The following KIF16B variants were observed in gnomAD, a reference collection of about 807,000 sequenced individuals.
KIF16B encodes kinesin family member 16B.
In KIF16B, 98 loss-of-function variants were observed where a neutral mutation model predicts 156.3. That is an observed-to-expected ratio of 0.63 (90% confidence interval 0.53 to 0.74). The LOEUF is 0.74. KIF16B is among the 30% of genes least tolerant of loss of function. KIF16B has a pLI of 0.00. For missense variants in KIF16B, 1,421 were observed against 1,606.5 expected, an observed-to-expected ratio of 0.88 and a Z score of 1.97; for synonymous variants, 564 against 583.7, an observed-to-expected ratio of 0.97 and a Z score of 0.49.
At chr20:16,571,571 C>T (rs1225318645) in intron 1 of KIF16B, among the ~76,000 whole-genome samples, 2 of 152,152 alleles carry the variant, frequency 1.3e-5, no homozygotes, top group African/African-American at 4.8e-5. Flanking sequence ...GTCTCATTCC[C>T]CTTGTATCCC....
At chr20:16,288,826 T>C (rs113959565) in intron 25 of KIF16B, among the ~76,000 whole-genome samples, 43 of 148,772 alleles carry the variant, frequency 2.9e-4, no homozygotes, top group Middle Eastern at 3.6e-3. Context: ...GATAAGGTTA[T>C]TGGGATCCCA....
chr20:16,539,816 A>G (rs2070126265), intron 1 of KIF16B, among the ~76,000 whole-genome samples: 1 of 152,260 alleles, frequency 6.6e-6, no homozygotes, highest in Non-Finnish European at 1.5e-5. Context: ...TCAGCAATTC[A>G]AATTGATTCC....
chr20:16,329,977 A>C (rs1022002386), intron 24 of KIF16B, among the ~76,000 whole-genome samples: 1 of 152,222 alleles, frequency 6.6e-6, no homozygotes, highest in African/African-American at 2.4e-5. Flanking sequence ...AGTATTACAA[A>C]GTACAAAAAA....
chr20:16,455,695 G>T (rs2067194790), intron 12 of KIF16B, among the ~76,000 whole-genome samples: 1 of 152,128 alleles, frequency 6.6e-6, no homozygotes, highest in Admixed American at 6.6e-5. Context: ...AATAAGGAGA[G>T]AAAGAAAGAG....
chr20:16,503,856 A>T (rs961715214), intron 10 of KIF16B, among the ~76,000 whole-genome samples: 1 of 152,154 alleles, frequency 6.6e-6, no homozygotes, highest in African/African-American at 2.4e-5. Context: ...CTATTTCAAC[A>T]ATCAAGCGAG....
chr20:16,409,323 G>T (rs2146291352), intron 15 of KIF16B, among the ~76,000 whole-genome samples: 1 of 152,148 alleles, frequency 6.6e-6, no homozygotes, highest in East Asian at 1.9e-4. Flanking sequence ...CAACCATGTG[G>T]CTATGGCAAA....
intron 25 of KIF16B, among the ~76,000 whole-genome samples, chr20:16,286,577 C>T (rs150983924): frequency 2.8e-4 from 43 of 152,284 alleles, no homozygotes; most frequent in African/African-American, 1.0e-3. Flanking sequence ...TTCTCCTATA[C>T]TTATTCATCT....
intron 25 of KIF16B, among the ~76,000 whole-genome samples, chr20:16,305,886 C>T (rs1022670367): frequency 2.6e-5 from 4 of 152,102 alleles, no homozygotes; most frequent in African/African-American, 9.7e-5. Context: ...TGTATATATA[C>T]CATATTTTCT....
intron 15 of KIF16B, among the ~76,000 whole-genome samples, chr20:16,423,096 G>A (rs1391594829): frequency 6.6e-6 from 1 of 152,050 alleles, no homozygotes; most frequent in African/African-American, 2.4e-5. Context: ...GGTAAAGCAA[G>A]TTTCTTCAAA....
intron 17 of KIF16B, among the ~76,000 whole-genome samples, chr20:16,385,447 G>A (rs1019516911): frequency 6.6e-6 from 1 of 152,148 alleles, no homozygotes; most frequent in Non-Finnish European, 1.5e-5. Flanking sequence ...ACTACAAAGA[G>A]ACTGAGCCCA....
chr20:16,285,375 T>C (rs1294098340), intron 25 of KIF16B, among the ~76,000 whole-genome samples: 1 of 152,272 alleles, frequency 6.6e-6, no homozygotes, highest in East Asian at 1.9e-4. Flanking sequence ...TGTACATGCA[T>C]GTGTACATGT....
chr20:16,431,946 G>C (rs2066515676), intron 12 of KIF16B, among the ~76,000 whole-genome samples: 1 of 85,476 alleles, frequency 1.2e-5, no homozygotes, highest in Non-Finnish European at 2.4e-5. Context: ...ACACGCACAA[G>C]TTTATTACCT....
chr20:16,558,673 C>T (rs923461210), intron 1 of KIF16B, among the ~76,000 whole-genome samples: 1 of 152,160 alleles, frequency 6.6e-6, no homozygotes, highest in Non-Finnish European at 1.5e-5. Context: ...GAGGCCAAGG[C>T]GGGAGGATTC....
intron 24 of KIF16B, among the ~76,000 whole-genome samples, chr20:16,332,587 A>G (rs1167559325): frequency 6.6e-6 from 1 of 152,190 alleles, no homozygotes; most frequent in Non-Finnish European, 1.5e-5. Context: ...AAAATTAAAC[A>G]CAACATGGAG....
chr20:16,329,230 T>C (rs2063908115), intron 24 of KIF16B, among the ~76,000 whole-genome samples: 1 of 152,166 alleles, frequency 6.6e-6, no homozygotes, highest in South Asian at 2.1e-4. Context: ...AAAGTTTTTT[T>C]CTCTTCAGCT....
intron 25 of KIF16B, among the ~76,000 whole-genome samples, chr20:16,274,553 CT>C (rs1392948101): frequency 6.6e-6 from 1 of 152,194 alleles, no homozygotes; most frequent in African/African-American, 2.4e-5. Flanking sequence ...TCTCAGTGTG[CT>C]TAAAAAACCC....
intron 12 of KIF16B, among the ~76,000 whole-genome samples, chr20:16,475,408 G>C (rs568452912): frequency 2.0e-5 from 3 of 152,156 alleles, no homozygotes; most frequent in Non-Finnish European, 4.4e-5. Flanking sequence ...CATAGAATTT[G>C]GTTCCAGAGT....
chr20:16,398,099 G>C (rs552566414), intron 17 of KIF16B, among the ~76,000 whole-genome samples: 3 of 152,176 alleles, frequency 2.0e-5, no homozygotes, highest in Non-Finnish European at 4.4e-5. Context: ...GAGGATACAC[G>C]GGAAGCACTT....
In KIF16B at chr20:16,273,202, C is replaced by CCGCTT; in HGVS notation, c.*46_*50dup. 6.6e-7 allele frequency: 1 copy of CCGCTT among 1,526,458 alleles called. No individual in the cohort carries two copies. Among genetic ancestry groups the CCGCTT allele is most frequent in the Non-Finnish European group, 9.1e-7 (1 of 1,103,910 alleles). The allele number at this position is 1,526,458 out of a possible 1,614,324, so 94.6% of individuals were successfully genotyped here. ...TGGGGGAGCTGCCCTGCATCGGAGC[C>CCGCTT]CGCTTCGACGAGAAGGCACTGCTGT... On this transcript the variant is annotated 3_prime_UTR_variant, in exon 26 of 26. Coordinates refer to ENST00000354981, the MANE Select transcript of KIF16B (RefSeq NM_024704.5).
Sources: allele counts gnomAD v4.1 joint callset (sites outside exome capture counted in the v4.1 genomes callset), GRCh38; gene constraint gnomAD v4.1.1; transcripts MANE v1.5; gene names NCBI Gene and HGNC (gene_info 2026-07-23, HGNC 2026-07-21).